CNTNAP5: variants seen among roughly 807,000 people sequenced by gnomAD.
CNTNAP5 encodes contactin-associated protein-like 5.
Under a neutral mutation model 150.2 loss-of-function variants are expected in CNTNAP5, and 72 were observed. That is an observed-to-expected ratio of 0.48 (90% CI 0.40 to 0.58). The LOEUF is 0.58. Ranked by LOEUF, CNTNAP5 falls within the 20% of genes least tolerant of loss-of-function variation. The pLI is 0.00. For synonymous variants in CNTNAP5, 672 were observed against 619.8 expected (o/e 1.08, Z -1.25); for missense variants, 1,636 against 1,626.2 (o/e 1.01, Z -0.10).
chr2:124,722,461 A>G (rs1164574380), intron 13 of CNTNAP5, among the ~76,000 whole-genome samples: 2 of 152,164 alleles, frequency 1.3e-5, no homozygotes, highest in African/African-American at 2.4e-5. Context: ...TGAGAAGAAG[A>G]TGGTGTCATA....
intron 12 of CNTNAP5, among the ~76,000 whole-genome samples, chr2:124,623,841 T>C (rs751198640): frequency 7.2e-5 from 11 of 152,254 alleles, no homozygotes; most frequent in Non-Finnish European, 1.0e-4. Flanking sequence ...GGCTCACTGG[T>C]AGTTTAATCA....
intron 17 of CNTNAP5, among the ~76,000 whole-genome samples, chr2:124,789,074 A>G (rs1020239168): frequency 1.3e-5 from 2 of 152,204 alleles, no homozygotes; most frequent in Non-Finnish European, 2.9e-5. Flanking sequence ...CTCCATGTCT[A>G]TCTGGCTCTG....
intron 7 of CNTNAP5, among the ~76,000 whole-genome samples, chr2:124,489,124 T>C (rs1341702643): frequency 6.6e-6 from 1 of 152,246 alleles, no homozygotes; most frequent in African/African-American, 2.4e-5. Flanking sequence ...CTCTGGATAA[T>C]GTCTAAAATA....
intron 3 of CNTNAP5, among the ~76,000 whole-genome samples, chr2:124,322,355 C>T (rs564096383): frequency 6.6e-6 from 1 of 152,188 alleles, no homozygotes; most frequent in African/African-American, 2.4e-5. Context: ...CATTCATTCC[C>T]AGCTCTGCCA....
chr2:124,458,623 C>T (rs917726375), intron 6 of CNTNAP5, among the ~76,000 whole-genome samples: 1 of 151,896 alleles, frequency 6.6e-6, no homozygotes, highest in African/African-American at 2.4e-5. Flanking sequence ...CACCAAAGAA[C>T]TTTCTCATGT....
At chr2:124,029,670 T>C (rs576230784) in intron 1 of CNTNAP5, among the ~76,000 whole-genome samples, 2 of 152,250 alleles carry the variant, frequency 1.3e-5, no homozygotes, top group Admixed American at 6.5e-5. Flanking sequence ...CCTTTGTTCC[T>C]CTGCCCAATT....
chr2:124,372,853 T>C (rs1690562984), intron 3 of CNTNAP5, among the ~76,000 whole-genome samples: 1 of 152,132 alleles, frequency 6.6e-6, no homozygotes, highest in Admixed American at 6.6e-5. Flanking sequence ...GCACTAACTA[T>C]GTGCAAAGCA....
At chr2:124,585,668 G>GTTTT (rs1558964959) in intron 11 of CNTNAP5, among the ~76,000 whole-genome samples, 11 of 89,646 alleles carry the variant, frequency 1.2e-4, no homozygotes, top group African/African-American at 4.7e-4. Flanking sequence ...AGAGCTTGAA[G>GTTTT]CTTTTTTTTT....
At chr2:124,082,272 C>T (rs113864258) in intron 1 of CNTNAP5, among the ~76,000 whole-genome samples, 11,661 of 149,420 alleles carry the variant, frequency 0.078, 595 homozygotes, top group Non-Finnish European at 0.12. Flanking sequence ...TGGCATGAAC[C>T]CGGGAGGCGG....
intron 19 of CNTNAP5, among the ~76,000 whole-genome samples, chr2:124,805,147 A>G (rs776009064): frequency 6.6e-6 from 1 of 152,196 alleles, no homozygotes; most frequent in Non-Finnish European, 1.5e-5. Context: ...AAGGAGAAAG[A>G]TAAGGTACAG....
chr2:124,370,940 T>G (rs1276349474), intron 3 of CNTNAP5, among the ~76,000 whole-genome samples: 4 of 152,096 alleles, frequency 2.6e-5, no homozygotes, highest in African/African-American at 9.7e-5. Context: ...AGAGTAAGTT[T>G]GAAGAGTTTA....
chr2:124,888,003 C>T (rs1054538439), intron 21 of CNTNAP5, among the ~76,000 whole-genome samples: 1 of 151,846 alleles, frequency 6.6e-6, no homozygotes, highest in Non-Finnish European at 1.5e-5. Context: ...GGTATATGTG[C>T]AGGTTTGTCA....
chr2:124,919,180 T>C lies in CNTNAP5; in HGVS notation c.*4892T>C, dbSNP rs1678825994. ...TACAAATAGGGCTGTTATTCAACTT[T>C]TCTCTTGAACATTCTACATACATAT... On this transcript the variant is annotated 3_prime_UTR_variant, in exon 24 of 24. Coordinates refer to ENST00000682447, the MANE Select transcript of CNTNAP5 (RefSeq NM_001367498.1). Among the ~76,000 whole-genome samples the C allele has an allele frequency of 1.3e-5, 2 of 152,078 alleles. No homozygotes were observed. Among genetic ancestry groups the C allele is most frequent in the African/African-American group, 4.8e-5 (2 of 41,442 alleles).
chr2:124,112,004 C>T (rs1573761786), intron 1 of CNTNAP5, among the ~76,000 whole-genome samples: 1 of 152,146 alleles, frequency 6.6e-6, no homozygotes, highest in South Asian at 2.1e-4. Flanking sequence ...GGGAGTACCC[C>T]ATCTATGCAA....
chr2:124,589,503 G>T (rs922646347), intron 11 of CNTNAP5, among the ~76,000 whole-genome samples: 2 of 152,060 alleles, frequency 1.3e-5, no homozygotes, highest in African/African-American at 4.8e-5. Context: ...TTTTATTTGG[G>T]CACATGTGTT....
chr2:124,309,370 C>T (rs904018847), intron 3 of CNTNAP5, among the ~76,000 whole-genome samples: 1 of 152,074 alleles, frequency 6.6e-6, no homozygotes, highest in African/African-American at 2.4e-5. Flanking sequence ...TACAGATATT[C>T]AGTAAAGGAG....
intron 3 of CNTNAP5, among the ~76,000 whole-genome samples, chr2:124,381,455 T>C (rs1304703663): frequency 6.6e-6 from 1 of 152,088 alleles, no homozygotes; most frequent in Non-Finnish European, 1.5e-5. Flanking sequence ...AAATTAAAAG[T>C]AATCACATTG....
intron 1 of CNTNAP5, among the ~76,000 whole-genome samples, chr2:124,104,684 C>CACTTG (rs1444786044): frequency 2.0e-5 from 3 of 152,126 alleles, no homozygotes; most frequent in Non-Finnish European, 4.4e-5. Context: ...CCACTCTGAA[C>CACTTG]ACTTGCAGAA....
chr2:124,409,775 G>A (rs1217804516), intron 3 of CNTNAP5, among the ~76,000 whole-genome samples: 2 of 151,828 alleles, frequency 1.3e-5, no homozygotes, highest in African/African-American at 4.8e-5. Context: ...GCAAAATCAA[G>A]CCAAAATGTA....
Sources: allele counts gnomAD v4.1 joint callset (sites outside exome capture counted in the v4.1 genomes callset), GRCh38; gene constraint gnomAD v4.1.1; transcripts MANE v1.5; gene names NCBI Gene and HGNC (gene_info 2026-07-23, HGNC 2026-07-21).